The following GPC3 variants were observed in gnomAD, a reference collection of about 807,000 sequenced individuals.
GPC3 encodes the protein glypican 3.
A neutral mutation model predicts 34.4 loss-of-function variants in GPC3; 3 were observed. The ratio of observed to expected loss-of-function variants is 0.09; its 90% CI spans 0.04 to 0.23. GPC3 has a LOEUF of 0.23. GPC3 is among the 10% of genes least tolerant of loss of function. GPC3 has a pLI of 1.00. For synonymous variants in GPC3, 177 were observed against 174.0 expected, an observed-to-expected ratio of 1.02 and a Z score of -0.13; for missense variants, 351 against 445.6, an observed-to-expected ratio of 0.79 and a Z score of 1.91.
intron 3 of GPC3, among the ~76,000 whole-genome samples, chrX:133,710,767 G>A (rs892042597): frequency 1.8e-5 from 2 of 112,106 alleles, no homozygotes; most frequent in African/African-American, 3.2e-5. Context: ...TGGGAGACAG[G>A]TTTTAAATGC....
At chrX:133,601,749 A>C (rs1461235147) in intron 6 of GPC3, among the ~76,000 whole-genome samples, 1 of 111,910 alleles carries the variant, frequency 8.9e-6, no homozygotes. Context: ...TGATTCTCTA[A>C]ATTCCATAAA....
intron 6 of GPC3, among the ~76,000 whole-genome samples, chrX:133,653,542 C>T (rs1463449253): frequency 1.8e-5 from 2 of 111,558 alleles, no homozygotes; most frequent in Non-Finnish European, 3.8e-5. Context: ...CTGAGTCAGA[C>T]TCTGTGAGTG....
intron 2 of GPC3, among the ~76,000 whole-genome samples, chrX:133,793,207 G>A (rs753250539): frequency 2.7e-5 from 3 of 111,623 alleles, no homozygotes; most frequent in Non-Finnish European, 5.6e-5. Context: ...CACATTATAA[G>A]TTGGGGAGTT....
chrX:133,914,483 C>T (rs187337603), intron 2 of GPC3, among the ~76,000 whole-genome samples: 5 of 110,891 alleles, frequency 4.5e-5, no homozygotes, highest in African/African-American at 1.6e-4. Flanking sequence ...TTAGACTGCT[C>T]GGTTTGCAAC....
At chrX:133,662,373 C>G (rs946876630) in intron 5 of GPC3, among the ~76,000 whole-genome samples, 6 of 112,132 alleles carry the variant, frequency 5.4e-5, no homozygotes, top group African/African-American at 1.9e-4. Context: ...TTTCTCAAAT[C>G]ACTTTCACCA....
chrX:133,875,598 C>T (rs1173814931), intron 2 of GPC3, among the ~76,000 whole-genome samples: 1 of 110,936 alleles, frequency 9.0e-6, no homozygotes, highest in Non-Finnish European at 1.9e-5. Flanking sequence ...ATGGATATCC[C>T]AGTCTCTCAT....
intron 3 of GPC3, among the ~76,000 whole-genome samples, chrX:133,721,043 T>A (rs1011384459): frequency 1.6e-4 from 17 of 109,026 alleles, no homozygotes; most frequent in Non-Finnish European, 1.9e-4. Context: ...GAAATAAAAA[T>A]TTTTAAAAAA....
intron 7 of GPC3, among the ~76,000 whole-genome samples, chrX:133,537,972 G>A (rs1466808510): frequency 9.0e-6 from 1 of 110,803 alleles, no homozygotes; most frequent in African/African-American, 3.3e-5. Context: ...AAGAAATAAT[G>A]TCCTAAGGTT....
At chrX:133,853,956 T>C (rs1030148680) in intron 2 of GPC3, among the ~76,000 whole-genome samples, 15 of 112,020 alleles carry the variant, frequency 1.3e-4, no homozygotes, top group African/African-American at 4.2e-4. Context: ...TCAGTTTCCT[T>C]ATCCAAAAAT....
chrX:133,674,793 A>G (rs2070866637), intron 5 of GPC3, among the ~76,000 whole-genome samples: 1 of 111,688 alleles, frequency 9.0e-6, no homozygotes, highest in Non-Finnish European at 1.9e-5. Context: ...ACAAGTAATG[A>G]ATTAGATGAC....
At chrX:133,767,376 T>C (rs2071859157) in intron 2 of GPC3, among the ~76,000 whole-genome samples, 1 of 111,576 alleles carries the variant, frequency 9.0e-6, no homozygotes, top group Non-Finnish European at 1.9e-5. Context: ...GTGAAAAAGG[T>C]CAATATTGTG....
intron 2 of GPC3, among the ~76,000 whole-genome samples, chrX:133,789,502 G>C (rs774461799): frequency 3.4e-4 from 38 of 111,785 alleles, no homozygotes; most frequent in African/African-American, 1.2e-3. Flanking sequence ...TCTCTGCGTT[G>C]ATCTATTGCT....
intron 5 of GPC3, among the ~76,000 whole-genome samples, chrX:133,673,558 G>C (rs1052040058): frequency 8.9e-6 from 1 of 112,300 alleles, no homozygotes; most frequent in African/African-American, 3.2e-5. Flanking sequence ...GTTCGGTTTG[G>C]CAGTCATAGT....
chrX:133,543,859 G>A (rs1020166040), intron 7 of GPC3, among the ~76,000 whole-genome samples: 1 of 112,206 alleles, frequency 8.9e-6, no homozygotes, highest in African/African-American at 3.2e-5. Context: ...AGCAGGTTAT[G>A]TCTCAAATCC....
chrX:133,625,846 T>C (rs1342022371), intron 6 of GPC3, among the ~76,000 whole-genome samples: 3 of 112,263 alleles, frequency 2.7e-5, no homozygotes, highest in Admixed American at 9.4e-5. Context: ...AAAAAGAGCC[T>C]GCATTGCCAA....
intron 2 of GPC3, among the ~76,000 whole-genome samples, chrX:133,875,285 T>C (rs1220068375): frequency 8.9e-6 from 1 of 111,878 alleles, no homozygotes; most frequent in Non-Finnish European, 1.9e-5. Flanking sequence ...CCCTGAAGGG[T>C]TATTTTACAA....
At position 133,827,792 on chromosome X, in the gene GPC3, A is replaced by T. The variant is rs781285855; in HGVS notation, c.338-73616T>A. 2.4e-3 allele frequency among the ~76,000 whole-genome samples: 259 copies of T among 108,505 alleles called. 1 individual carries two copies. The highest frequency in any genetic ancestry group is 8.1e-3 in the African/African-American group (242 of 29,741). 94.2% of individuals were successfully genotyped at this position (108,505 alleles called of 115,157 possible). A position where few individuals can be genotyped will look rare whatever the true frequency, so the allele number is the denominator to read the frequency against. On this transcript the variant is annotated intron_variant, in intron 2 of 7. Coordinates refer to ENST00000370818, the MANE Select transcript of GPC3 (RefSeq NM_004484.4). ...AGTGAGACTCCATCTCAAAGAAAAA[A>T]AAATTAGCTGGGCATGGTGGTGCAT...
At chrX:133,775,997 G>A (rs2071974948) in intron 2 of GPC3, among the ~76,000 whole-genome samples, 1 of 111,631 alleles carries the variant, frequency 9.0e-6, no homozygotes, top group Admixed American at 9.5e-5. Context: ...AAAAACTGTG[G>A]TGTGCATAGC....
intron 2 of GPC3, among the ~76,000 whole-genome samples, chrX:133,883,835 C>A (rs773365094): frequency 1.2e-4 from 14 of 112,122 alleles, no homozygotes; most frequent in Non-Finnish European, 2.6e-4. Flanking sequence ...CCGTAATATA[C>A]TAACTGCTTT....
Sources: allele counts gnomAD v4.1 joint callset (sites outside exome capture counted in the v4.1 genomes callset), GRCh38; gene constraint gnomAD v4.1.1; transcripts MANE v1.5; gene names NCBI Gene and HGNC (gene_info 2026-07-23, HGNC 2026-07-21).